The following CSPP1 variants were observed in gnomAD, a reference collection of about 807,000 sequenced individuals.
CSPP1 encodes the protein centrosome and spindle pole-associated protein 1.
CSPP1 carries 126 observed loss-of-function variants against 164.4 expected under a neutral mutation model. The ratio of observed to expected loss-of-function variants is 0.77; its 90% CI spans 0.66 to 0.89. The LOEUF (loss-of-function observed/expected upper bound fraction) is 0.89. CSPP1 is among the 40% of genes least tolerant of loss of function. The pLI is 0.00. For missense variants in CSPP1, 1,395 were observed against 1,449.8 expected, an observed-to-expected ratio of 0.96 and a Z score of 0.61; for synonymous variants, 472 against 476.7, an observed-to-expected ratio of 0.99 and a Z score of 0.13.
In CSPP1 at chr8:67,085,993, TG is replaced by T. The variant is rs1411738284; in HGVS notation, c.200-13del. On this transcript the variant is annotated splice_polypyrimidine_tract_variant and intron_variant, in intron 3 of 30. Transcript: ENST00000678616. ...TTGAAAATGAATTATACTAAGAAGT[TG>T]TTTTTTTTCTAGGAATTGATTATGG... 5.6e-6 allele frequency: 6 copies of T among 1,067,312 alleles called. No individual in the cohort carries two copies. Among genetic ancestry groups the T allele is most frequent in the Middle Eastern group, 2.0e-4 (1 of 4,964 alleles). The allele number at this position is 1,067,312 out of a possible 1,614,324, so 66.1% of individuals were successfully genotyped here. A position where few individuals can be genotyped will look rare whatever the true frequency, so the allele number is the denominator to read the frequency against.
chr8:67,167,889 C>T (rs548266259), intron 24 of CSPP1, among the ~76,000 whole-genome samples: 164 of 151,004 alleles, frequency 1.1e-3, no homozygotes, highest in African/African-American at 3.6e-3. Flanking sequence ...ACTTCCCAGA[C>T]GGGGTGGCGG....
At chr8:67,149,658 A>G in intron 17 of CSPP1, 125 bp from the exon 18 acceptor site, 2 of 590,688 alleles carry the variant, frequency 3.4e-6, no homozygotes, top group East Asian at 6.1e-5. Context: ...CCAACATATC[A>G]TTGAATTATT....
intron 15 of CSPP1, among the ~76,000 whole-genome samples, chr8:67,121,576 A>ATT (rs1818984443): frequency 6.6e-6 from 1 of 151,988 alleles, no homozygotes; most frequent in Admixed American, 6.6e-5. Flanking sequence ...GTTTGCTAGT[A>ATT]TTTTGTTAAG....
intron 4 of CSPP1, among the ~76,000 whole-genome samples, chr8:67,090,213 A>G (rs981142809): frequency 6.6e-5 from 10 of 152,206 alleles, no homozygotes; most frequent in African/African-American, 2.4e-4. Context: ...AGGTAAGTTT[A>G]GAGTTCCATA....
At chr8:67,102,657 T>G (rs1814386230) in intron 7 of CSPP1, among the ~76,000 whole-genome samples, 1 of 152,210 alleles carries the variant, frequency 6.6e-6, no homozygotes, top group Non-Finnish European at 1.5e-5. Context: ...TTAAAAAATG[T>G]TCTCATTTTG....
chr8:67,100,276 TTAAA>T (rs1813782366), intron 7 of CSPP1, among the ~76,000 whole-genome samples: 1 of 152,206 alleles, frequency 6.6e-6, no homozygotes. Flanking sequence ...AAATCATTTC[TTAAA>T]TTAATTTAGG....
intron 27 of CSPP1, 133 bp downstream of exon 27, chr8:67,177,859 G>C (rs1293300954): frequency 2.8e-6 from 2 of 727,186 alleles, no homozygotes; most frequent in Non-Finnish European, 5.0e-6. Flanking sequence ...TATCAGTAAA[G>C]TGGATAGCTT....
chr8:67,136,773 T>G (rs911199634), intron 16 of CSPP1, among the ~76,000 whole-genome samples: 1 of 151,334 alleles, frequency 6.6e-6, no homozygotes, highest in East Asian at 2.0e-4. Context: ...GGCTGGGCAT[T>G]CCCCTTGAAA....
At chr8:67,106,269 T>C (rs1397464057) in intron 9 of CSPP1, among the ~76,000 whole-genome samples, 2 of 152,118 alleles carry the variant, frequency 1.3e-5, no homozygotes, top group African/African-American at 4.8e-5. Flanking sequence ...CCGTAGGTGA[T>C]AATGAAATTA....
Position 67,168,337 on chromosome 8 carries a change from A to AG in CSPP1, c.2828+3834dup, listed in dbSNP as rs1414569577. 5.8e-4 allele frequency among the ~76,000 whole-genome samples: 42 copies of AG among 71,868 alleles called. 4 individuals carry two copies. The East Asian group carries it at 9.1e-3, about 15-fold the overall frequency. The allele number at this position is 71,868 out of a possible 152,430, so 47.1% of individuals were successfully genotyped here. A position where few individuals can be genotyped will look rare whatever the true frequency, so the allele number is the denominator to read the frequency against. Reference sequence around the variant, plus strand: ...GGGGAGACGGGAGAGGGGGAGGGGGAGGGGGAGAGGGAGAGGGAGACCTAA... The same window carrying AG: ...GGGGAGACGGGAGAGGGGGAGGGGGAGGGGGGAGAGGGAGAGGGAGACCTAA... On this transcript the variant is annotated intron_variant, in intron 24 of 30. Coordinates refer to ENST00000678616, the MANE Select transcript of CSPP1 (RefSeq NM_001382391.1).
At chr8:67,158,908 T>A in intron 20 of CSPP1, 83 bp from the exon 21 acceptor site, 1 of 1,148,794 alleles carries the variant, frequency 8.7e-7, no homozygotes, top group Non-Finnish European at 1.2e-6. Context: ...TTATCTCATT[T>A]TATCAGATAA....
chr8:67,115,091 C>T (rs1817661540), intron 12 of CSPP1: 1 of 152,308 alleles, frequency 6.6e-6, no homozygotes, highest in South Asian at 2.1e-4. Context: ...TGCTTTAGCA[C>T]CATAGCTGAG....
In CSPP1 at chr8:67,076,488, T is replaced by C. The variant is rs771356296; in HGVS notation, c.106T>C (p.Leu36=). The change falls in exon 3 of 31, where the codon TTG becomes CTG. Residue 36 remains leucine, a synonymous_variant. Transcript: ENST00000678616. The part of the protein sequence containing the change: ...DPPYMEMKGK[L]SAKLSENSKI... ...AACATTATGTCTCTTTCAGGGAAAG[T>C]TGTCAGCGAAGCTTTCTGAAAACAG... 2 of 1,576,296 alleles carry C rather than the reference T, an allele frequency of 1.3e-6. No individual in the cohort carries two copies. The highest frequency in any genetic ancestry group is 3.9e-5 in the Admixed American group (2 of 51,896).
chr8:67,111,208 A>G (rs1174666442), intron 9 of CSPP1, among the ~76,000 whole-genome samples: 1 of 152,218 alleles, frequency 6.6e-6, no homozygotes, highest in African/African-American at 2.4e-5. Context: ...AACATATGCA[A>G]TAATAATAAT....
At chr8:67,190,001 T>C (rs1019323174) in intron 28 of CSPP1, among the ~76,000 whole-genome samples, 1 of 152,150 alleles carries the variant, frequency 6.6e-6, no homozygotes, top group African/African-American at 2.4e-5. Context: ...TCTTACAATG[T>C]AAAATGTAAA....
intron 29 of CSPP1, 64 bp downstream of exon 29, chr8:67,190,823 G>C: frequency 1.7e-6 from 2 of 1,175,196 alleles, no homozygotes; most frequent in Non-Finnish European, 2.5e-6. Flanking sequence ...GTTCTGACCT[G>C]TGCTAAATCT....
intron 22 of CSPP1, among the ~76,000 whole-genome samples, 154 bp from the exon 23 acceptor site, chr8:67,163,578 C>T (rs1828774335): frequency 6.6e-6 from 1 of 151,978 alleles, no homozygotes; most frequent in African/African-American, 2.4e-5. Context: ...TGGATATACT[C>T]TACCTTGGGT....
intron 17 of CSPP1, among the ~76,000 whole-genome samples, chr8:67,147,576 A>G (rs776265231): frequency 6.6e-6 from 1 of 152,044 alleles, no homozygotes; most frequent in Non-Finnish European, 1.5e-5. Context: ...CCCATGCCAC[A>G]TTGTCAACAA....
chr8:67,065,668 G>A (rs1348906680), intron 1 of CSPP1: 1 of 218,776 alleles, frequency 4.6e-6, no homozygotes, highest in African/African-American at 2.3e-5. Flanking sequence ...TTTGGAGACA[G>A]GGTCTCGCTC....
Sources: allele counts gnomAD v4.1 joint callset (sites outside exome capture counted in the v4.1 genomes callset), GRCh38; gene constraint gnomAD v4.1.1; transcripts MANE v1.5; gene names NCBI Gene and HGNC (gene_info 2026-07-23, HGNC 2026-07-21).